Variants in HS6ST3 observed in about 807,000 individuals in gnomAD.
The protein encoded by HS6ST3 is heparan sulfate 6-O-sulfotransferase 3, also known as heparan-sulfate 6-O-sulfotransferase 3.
Under a neutral mutation model 36.7 loss-of-function variants are expected in HS6ST3, and 12 were observed. The observed-to-expected ratio is 0.33, with a 90% confidence interval of 0.21 to 0.53. The LOEUF (loss-of-function observed/expected upper bound fraction) is 0.53. HS6ST3 is among the 20% of genes least tolerant of loss of function. HS6ST3 has a pLI of 0.95. For synonymous variants in HS6ST3, 240 were observed against 257.5 expected (o/e 0.93, Z 0.65); for missense variants, 584 against 640.9 (o/e 0.91, Z 0.96).
intron 1 of HS6ST3, among the ~76,000 whole-genome samples, chr13:96,776,580 T>C (rs1283307552): frequency 2.0e-5 from 3 of 152,104 alleles, no homozygotes; most frequent in African/African-American, 7.2e-5. Flanking sequence ...ATAAATAAAC[T>C]ACAACATGTA....
intron 1 of HS6ST3, among the ~76,000 whole-genome samples, chr13:96,529,972 A>T (rs1256043314): frequency 6.6e-6 from 1 of 152,170 alleles, no homozygotes; most frequent in African/African-American, 2.4e-5. Flanking sequence ...ATCCAAGAAC[A>T]TGGAGGGTAA....
intron 1 of HS6ST3, among the ~76,000 whole-genome samples, chr13:96,595,822 T>C (rs1294369762): frequency 6.6e-6 from 1 of 152,112 alleles, no homozygotes; most frequent in Non-Finnish European, 1.5e-5. Context: ...ATGTTCTCTA[T>C]TGCATTTTTT....
chr13:96,536,686 G>C (rs2056156615), intron 1 of HS6ST3, among the ~76,000 whole-genome samples: 1 of 152,286 alleles, frequency 6.6e-6, no homozygotes, highest in South Asian at 2.1e-4. Context: ...GGACAGATTG[G>C]TGCTTGCCAC....
intron 1 of HS6ST3, among the ~76,000 whole-genome samples, chr13:96,397,247 T>C (rs1235757011): frequency 2.0e-5 from 3 of 152,136 alleles, no homozygotes; most frequent in Non-Finnish European, 4.4e-5. Flanking sequence ...ATTTTTAGAT[T>C]AAATAATTTA....
At chr13:96,755,143 T>TG (rs1265677837) in intron 1 of HS6ST3, among the ~76,000 whole-genome samples, 1 of 152,146 alleles carries the variant, frequency 6.6e-6, no homozygotes, top group Admixed American at 6.6e-5. Context: ...AAGTTTTTTT[T>TG]TGTACTCATT....
rs536253096 is a variant in HS6ST3, at chr13:96,147,099, C to T, written c.707+55530C>T. On this transcript the variant is annotated intron_variant, in intron 1 of 1. Coordinates refer to ENST00000376705, the MANE Select transcript of HS6ST3 (RefSeq NM_153456.4). Reference sequence around the variant, plus strand: ...ACTTTCATTTTCTCAAATTTCTGTACTTCCACACATTTTAATTGAAAACAG... The same window carrying T: ...ACTTTCATTTTCTCAAATTTCTGTATTTCCACACATTTTAATTGAAAACAG... Among the ~76,000 whole-genome samples the T allele has an allele frequency of 6.6e-5, 10 of 152,298 alleles. 1 individual carries two copies. The highest frequency in any genetic ancestry group is 1.9e-4 in the African/African-American group (8 of 41,568).
At chr13:96,583,667 A>T (rs985010095) in intron 1 of HS6ST3, among the ~76,000 whole-genome samples, 7 of 152,046 alleles carry the variant, frequency 4.6e-5, no homozygotes, top group Admixed American at 4.6e-4. Context: ...AAACCATTCT[A>T]ACTGGTTTGT....
intron 1 of HS6ST3, among the ~76,000 whole-genome samples, chr13:96,737,924 T>C (rs1303828061): frequency 6.6e-6 from 1 of 152,186 alleles, no homozygotes; most frequent in Non-Finnish European, 1.5e-5. Flanking sequence ...TCTCCTTCTC[T>C]TTCTCTCTTG....
Position 96,091,116 on chromosome 13 carries a change from C to G in HS6ST3, c.254C>G (p.Ala85Gly), listed in dbSNP as rs1474879980. ...GGGCCCCCCGAGGGACCTCGGGGGG[C>G]CGCGGCGCCGGAGGAGGAGGACGAG... Reference protein sequence around the residue: ...PRGPPEGPRGAAAPEEEDEEP... With the variant: ...PRGPPEGPRGGAAPEEEDEEP... Residue 85 changes from alanine (A) to glycine (G), a missense_variant, in exon 1 of 2, where the codon GCC becomes GGC. Coordinates refer to ENST00000376705, the MANE Select transcript of HS6ST3 (RefSeq NM_153456.4). 23 of 1,421,932 alleles carry G rather than the reference C, an allele frequency of 1.6e-5. No homozygotes were observed. The highest frequency in any genetic ancestry group is 2.1e-5 in the Non-Finnish European group (23 of 1,092,868). The allele number at this position is 1,421,932 out of a possible 1,614,324, so 88.1% of individuals were successfully genotyped here.
chr13:96,305,553 T>C (rs1254871792), intron 1 of HS6ST3, among the ~76,000 whole-genome samples: 2 of 152,182 alleles, frequency 1.3e-5, no homozygotes, highest in Non-Finnish European at 2.9e-5. Context: ...TTTCTCTGTA[T>C]GAAAATGAAA....
intron 1 of HS6ST3, among the ~76,000 whole-genome samples, chr13:96,201,754 ATATT>A (rs1462841069): frequency 6.6e-6 from 1 of 152,194 alleles, no homozygotes; most frequent in Non-Finnish European, 1.5e-5. Flanking sequence ...TGGGTATTTA[ATATT>A]TATTAGGTAC....
At chr13:96,508,260 A>G (rs1287833483) in intron 1 of HS6ST3, among the ~76,000 whole-genome samples, 2 of 152,056 alleles carry the variant, frequency 1.3e-5, no homozygotes, top group African/African-American at 4.8e-5. Context: ...TCTTTCTACT[A>G]TAAGTTTTCT....
intron 1 of HS6ST3, among the ~76,000 whole-genome samples, chr13:96,744,599 G>A (rs936454749): frequency 2.0e-5 from 3 of 152,086 alleles, no homozygotes; most frequent in Admixed American, 1.3e-4. Context: ...CAGTTGGAAA[G>A]GAGCAGCTTG....
At chr13:96,581,016 C>A (rs2056340064) in intron 1 of HS6ST3, among the ~76,000 whole-genome samples, 1 of 152,046 alleles carries the variant, frequency 6.6e-6, no homozygotes, top group South Asian at 2.1e-4. Flanking sequence ...AATAGAGGGG[C>A]TTTATCAAAT....
Position 96,834,860 on chromosome 13 carries a change from T to G in HS6ST3, c.*1662T>G, listed in dbSNP as rs1878887588. ...AGGGAAGTCCAGCAGCTCCACCAGA[T>G]AGAGATCTGGAGATGCTTCTCTCAC... On this transcript the variant is annotated 3_prime_UTR_variant, in exon 2 of 2. Coordinates refer to ENST00000376705, the MANE Select transcript of HS6ST3 (RefSeq NM_153456.4). The G allele has an allele frequency of 6.6e-6, 1 of 152,526 alleles. No homozygotes were observed. Among genetic ancestry groups the G allele is most frequent in the Admixed American group, 6.6e-5 (1 of 15,264 alleles). The allele number at this position is 152,526 out of a possible 1,614,324, so 9.4% of individuals were successfully genotyped here.
chr13:96,780,011 G>A (rs545275197), intron 1 of HS6ST3, among the ~76,000 whole-genome samples: 1 of 152,262 alleles, frequency 6.6e-6, no homozygotes, highest in South Asian at 2.1e-4. Context: ...ACTAGGACAA[G>A]GTAATTAGAA....
At chr13:96,595,161 G>A (rs947830163) in intron 1 of HS6ST3, among the ~76,000 whole-genome samples, 8 of 152,088 alleles carry the variant, frequency 5.3e-5, no homozygotes, top group Non-Finnish European at 8.8e-5. Context: ...TCCACCAGCC[G>A]CAGCCTCCTG....
At position 96,090,846 on chromosome 13, in the gene HS6ST3, G is replaced by A; in HGVS notation, c.-17G>A. 6.8e-7 allele frequency: 1 copy of A among 1,480,248 alleles called. No homozygotes were observed. The highest frequency in any genetic ancestry group is 9.0e-7 in the Non-Finnish European group (1 of 1,110,020). The allele number at this position is 1,480,248 out of a possible 1,614,324, so 91.7% of individuals were successfully genotyped here. ...CGCCGCCGCCGCCGCTTCGCCTGCCGGCCTGAGAGCGGGACCATGGATGAA... is the reference window on the plus strand; with the variant it reads ...CGCCGCCGCCGCCGCTTCGCCTGCCAGCCTGAGAGCGGGACCATGGATGAA... On this transcript the variant is annotated 5_prime_UTR_variant, in exon 1 of 2. Coordinates refer to ENST00000376705, the MANE Select transcript of HS6ST3 (RefSeq NM_153456.4).
Position 96,837,220 on chromosome 13 carries a change from T to A in HS6ST3, c.*4022T>A, listed in dbSNP as rs1301965955. 1 of 152,240 alleles carries A rather than the reference T, an allele frequency of 6.6e-6. No individual in the cohort carries two copies. Among genetic ancestry groups the A allele is most frequent in the African/African-American group, 2.4e-5 (1 of 41,464 alleles). 9.4% of individuals were successfully genotyped at this position (152,240 alleles called of 1,614,324 possible). On this transcript the variant is annotated 3_prime_UTR_variant, in exon 2 of 2. Coordinates refer to ENST00000376705, the MANE Select transcript of HS6ST3 (RefSeq NM_153456.4). ...AACCAAACGATATTTAAGTGCTTTT[T>A]AATGTCACTTACTTCATCATATGTT...
Sources: allele counts gnomAD v4.1 joint callset (sites outside exome capture counted in the v4.1 genomes callset), GRCh38; gene constraint gnomAD v4.1.1; transcripts MANE v1.5; gene names NCBI Gene and HGNC (gene_info 2026-07-23, HGNC 2026-07-21).